The following GRM5 variants were observed in gnomAD, a reference collection of about 807,000 sequenced individuals.
GRM5 encodes the protein glutamate metabotropic receptor 5.
A neutral mutation model predicts 83.1 loss-of-function variants in GRM5; 19 were observed. The observed-to-expected ratio is 0.23, with a 90% CI of 0.16 to 0.34. The LOEUF is 0.34. Among genes scored for constraint, GRM5 ranks in the 10% least tolerant of loss-of-function variants. The probability of loss-of-function intolerance (pLI) is 1.00; values close to 1 mark genes in which losing one functional copy is unlikely to be tolerated. For synonymous variants in GRM5, 675 were observed against 633.6 expected (o/e 1.07, Z -0.98); for missense variants, 1,160 against 1,588.3 (o/e 0.73, Z 4.58).
chr11:88,921,263 C>A (rs1295394305), intron 2 of GRM5, among the ~76,000 whole-genome samples: 1 of 152,132 alleles, frequency 6.6e-6, no homozygotes, highest in African/African-American at 2.4e-5. Flanking sequence ...ACAATATGAT[C>A]ATCTTAATCA....
intron 8 of GRM5, among the ~76,000 whole-genome samples, chr11:88,531,309 T>C (rs943486544): frequency 3.9e-5 from 6 of 152,050 alleles, no homozygotes; most frequent in African/African-American, 1.4e-4. Flanking sequence ...GAGTGTTTAG[T>C]GAAGCGGTTG....
At position 88,644,495 on chromosome 11, in the gene GRM5, C is replaced by T. The variant is rs559811335; in HGVS notation, c.1147+8673G>A. Among the ~76,000 whole-genome samples, 8 of 152,206 alleles carry T rather than the reference C, an allele frequency of 5.3e-5. No individual in the cohort carries two copies. In the East Asian group the frequency reaches 1.5e-3, roughly 29 times the overall value. Reference sequence around the variant, plus strand: ...AAGATGAATATAAAATGTTTGCATGCTGGTCTAACAATTTGAAAAATTCTA... The same window carrying T: ...AAGATGAATATAAAATGTTTGCATGTTGGTCTAACAATTTGAAAAATTCTA... On this transcript the variant is annotated intron_variant, in intron 4 of 9. Transcript: ENST00000305447.
At chr11:88,597,053 G>T in intron 6 of GRM5, 131 bp downstream of exon 6, 1 of 567,560 alleles carries the variant, frequency 1.8e-6, no homozygotes, top group Non-Finnish European at 3.0e-6. Context: ...AGGAATGAGT[G>T]AGAATTTCTG....
intron 4 of GRM5, among the ~76,000 whole-genome samples, chr11:88,626,527 G>C (rs1472986803): frequency 6.6e-6 from 1 of 152,116 alleles, no homozygotes; most frequent in African/African-American, 2.4e-5. Context: ...CGGAAGTGTT[G>C]TGATTCTTGG....
At chr11:88,984,941 T>C (rs1393773968) in intron 2 of GRM5, 4 of 589,798 alleles carry the variant, frequency 6.8e-6, no homozygotes, top group African/African-American at 1.9e-5. Context: ...TTTTAATAAT[T>C]TGACTCACTT....
chr11:88,639,787 T>A (rs1306379841), intron 4 of GRM5, among the ~76,000 whole-genome samples: 1 of 152,106 alleles, frequency 6.6e-6, no homozygotes, highest in African/African-American at 2.4e-5. Context: ...TTATCAGGTC[T>A]CAATTTGGTG....
chr11:89,033,168 A>T (rs1941302443), intron 2 of GRM5, among the ~76,000 whole-genome samples: 1 of 152,090 alleles, frequency 6.6e-6, no homozygotes, highest in Admixed American at 6.6e-5. Flanking sequence ...ATAACAAAAC[A>T]TTAGTACAGA....
chr11:88,780,831 A>G (rs1382747634), intron 3 of GRM5, among the ~76,000 whole-genome samples: 1 of 152,010 alleles, frequency 6.6e-6, no homozygotes, highest in East Asian at 1.9e-4. Context: ...TATTTTTCCT[A>G]TTGAAAAAGT....
intron 2 of GRM5, among the ~76,000 whole-genome samples, chr11:88,970,497 A>G (rs531891897): frequency 6.6e-6 from 1 of 152,354 alleles, no homozygotes; most frequent in Admixed American, 6.5e-5. Flanking sequence ...GTAGCTAAAA[A>G]GGAAGCTGAA....
intron 2 of GRM5, among the ~76,000 whole-genome samples, chr11:88,899,149 T>C (rs1945279741): frequency 2.0e-5 from 3 of 152,106 alleles, no homozygotes; most frequent in South Asian, 2.1e-4. Context: ...TAATGACATC[T>C]ACAGCAGTTT....
intron 7 of GRM5, among the ~76,000 whole-genome samples, chr11:88,573,788 A>G (rs1943053109): frequency 6.6e-6 from 1 of 152,180 alleles, no homozygotes; most frequent in East Asian, 1.9e-4. Context: ...TTTAACTAAT[A>G]AGCCATCTTT....
At chr11:88,916,595 G>A (rs1357054023) in intron 2 of GRM5, among the ~76,000 whole-genome samples, 1 of 151,986 alleles carries the variant, frequency 6.6e-6, no homozygotes, top group Non-Finnish European at 1.5e-5. Flanking sequence ...AGACCACAAG[G>A]ACTGTAATTC....
chr11:88,766,451 TG>T (rs1315238211), intron 3 of GRM5, among the ~76,000 whole-genome samples: 1 of 151,792 alleles, frequency 6.6e-6, no homozygotes, highest in African/African-American at 2.4e-5. Context: ...AAAGAAGCAA[TG>T]GGGAATGAAC....
At chr11:88,865,989 G>A (rs982061769) in intron 2 of GRM5, among the ~76,000 whole-genome samples, 26 of 152,122 alleles carry the variant, frequency 1.7e-4, no homozygotes, top group African/African-American at 5.8e-4. Context: ...CATTGTGGAA[G>A]ACAGTGTGGC....
chr11:88,572,672 C>A (rs11020482), intron 7 of GRM5, among the ~76,000 whole-genome samples: 8,093 of 151,982 alleles, frequency 0.053, 688 homozygotes, highest in African/African-American at 0.18. Context: ...TGATAACTAC[C>A]CTTACTATGT....
intron 3 of GRM5, among the ~76,000 whole-genome samples, chr11:88,709,399 G>A (rs1385482351): frequency 2.0e-5 from 3 of 152,058 alleles, no homozygotes; most frequent in Non-Finnish European, 4.4e-5. Flanking sequence ...TGAAGAATAA[G>A]AAATCCTTTA....
chr11:88,816,549 A>AG (rs1943688617), intron 3 of GRM5, among the ~76,000 whole-genome samples: 3 of 149,730 alleles, frequency 2.0e-5, no homozygotes, highest in East Asian at 1.9e-4. Context: ...AAAAAAAAAA[A>AG]AAAAAGAAAA....
chr11:88,610,724 T>G (rs761170390), intron 4 of GRM5, among the ~76,000 whole-genome samples: 16 of 152,226 alleles, frequency 1.1e-4, no homozygotes, highest in Non-Finnish European at 1.5e-4. Flanking sequence ...GTCTCTTGCC[T>G]GATTGCTCTG....
chr11:88,921,926 A>C (rs1374689979), intron 2 of GRM5, among the ~76,000 whole-genome samples: 2 of 151,568 alleles, frequency 1.3e-5, no homozygotes, highest in East Asian at 1.9e-4. Context: ...TACAAAAAAA[A>C]CCGTATTTCT....
Sources: allele counts gnomAD v4.1 joint callset (sites outside exome capture counted in the v4.1 genomes callset), GRCh38; gene constraint gnomAD v4.1.1; transcripts MANE v1.5; gene names NCBI Gene and HGNC (gene_info 2026-07-23, HGNC 2026-07-21).